The following ELMO1 variants were observed in gnomAD, a reference collection of about 807,000 sequenced individuals.
The protein encoded by ELMO1 is engulfment and cell motility 1, also known as engulfment and cell motility protein 1.
Under a neutral mutation model 98.9 loss-of-function variants are expected in ELMO1, and 26 were observed. The ratio of observed to expected loss-of-function variants is 0.26; its 90% CI spans 0.19 to 0.36. The LOEUF (loss-of-function observed/expected upper bound fraction) is 0.36. Among genes scored for constraint, ELMO1 ranks in the 10% least tolerant of loss-of-function variants. The pLI, the probability that ELMO1 is intolerant of heterozygous loss-of-function variation, is 1.00. For missense variants in ELMO1, 627 were observed against 935.2 expected (o/e 0.67, Z 4.30); for synonymous variants, 346 against 346.0 (o/e 1.00, Z 0.00).
intron 13 of ELMO1, among the ~76,000 whole-genome samples, chr7:37,183,438 A>T (rs746004701): frequency 1.3e-5 from 2 of 152,228 alleles, no homozygotes; most frequent in Non-Finnish European, 2.9e-5. Context: ...GGGGGAGAAG[A>T]GGAGGGAACC....
chr7:37,074,789 G>A (rs1797473761), intron 15 of ELMO1, among the ~76,000 whole-genome samples: 1 of 152,194 alleles, frequency 6.6e-6, no homozygotes, highest in Non-Finnish European at 1.5e-5. Context: ...GCTTGTTTAG[G>A]GAGTTGCAAA....
chr7:36,871,220 T>C (rs970558509), intron 19 of ELMO1, among the ~76,000 whole-genome samples: 2 of 152,194 alleles, frequency 1.3e-5, no homozygotes, highest in African/African-American at 4.8e-5. Context: ...GTTTGTGCAC[T>C]TAAAACTTTT....
At chr7:37,020,586 A>C (rs1029260000) in intron 15 of ELMO1, among the ~76,000 whole-genome samples, 1 of 152,238 alleles carries the variant, frequency 6.6e-6, no homozygotes, top group Non-Finnish European at 1.5e-5. Context: ...TCGCTCTCAC[A>C]GGAATTTTCT....
intron 15 of ELMO1, among the ~76,000 whole-genome samples, chr7:37,064,165 C>T (rs1796823900): frequency 6.6e-6 from 1 of 152,142 alleles, no homozygotes; most frequent in South Asian, 2.1e-4. Context: ...TTGACACTGC[C>T]TGGGCATTTT....
chr7:37,145,617 G>A (rs1001096929), intron 13 of ELMO1, among the ~76,000 whole-genome samples: 6 of 152,178 alleles, frequency 3.9e-5, no homozygotes, highest in Non-Finnish European at 8.8e-5. Context: ...TAAATGATAC[G>A]TGTTTTTCAA....
In ELMO1 at chr7:36,897,349, T is replaced by TGTGTGTGTGTGTGTGA. The variant is rs1370708472; in HGVS notation, c.1438-2333_1438-2332insTCACACACACACACAC. ...ACGTGTGTGTGTGTGTGTGTGTGTG[T>TGTGTGTGTGTGTGTGA]GAAAGAGTGTTAATGGTTAAGCCTT... On this transcript the variant is annotated intron_variant, in intron 16 of 21. Transcript: ENST00000310758. Among the ~76,000 whole-genome samples, 841 of 151,732 alleles carry TGTGTGTGTGTGTGTGA rather than the reference T, an allele frequency of 5.5e-3. 21 individuals are homozygous for TGTGTGTGTGTGTGTGA. The East Asian group carries it at 0.076, about 14-fold the overall frequency.
At chr7:36,856,876 CA>C in intron 21 of ELMO1, among the ~76,000 whole-genome samples, 1 of 152,340 alleles carries the variant, frequency 6.6e-6, no homozygotes, top group Middle Eastern at 3.4e-3. Flanking sequence ...TCCAGATTCC[CA>C]ACTTTTCTGC....
chr7:37,080,035 T>C (rs1347287059), intron 15 of ELMO1, among the ~76,000 whole-genome samples: 4 of 152,204 alleles, frequency 2.6e-5, no homozygotes, highest in African/African-American at 9.6e-5. Flanking sequence ...ACTCCTAATC[T>C]TCTATGCCCC....
At chr7:37,253,598 G>C (rs1206921241) in intron 6 of ELMO1, among the ~76,000 whole-genome samples, 2 of 151,950 alleles carry the variant, frequency 1.3e-5, no homozygotes, top group African/African-American at 2.4e-5. Context: ...GCTAGGGTAG[G>C]GATAACATTA....
intron 18 of ELMO1, among the ~76,000 whole-genome samples, chr7:36,886,817 G>C (rs1805048376): frequency 6.6e-6 from 1 of 152,208 alleles, no homozygotes; most frequent in Admixed American, 6.5e-5. Context: ...ACATTTTGAG[G>C]TTAGAATTTA....
At chr7:36,974,407 T>C (rs1790313240) in intron 16 of ELMO1, among the ~76,000 whole-genome samples, 1 of 151,592 alleles carries the variant, frequency 6.6e-6, no homozygotes, top group African/African-American at 2.4e-5. Flanking sequence ...TAGCTCAAGG[T>C]TTGTAAGCAC....
chr7:37,003,842 C>A (rs908995301), intron 16 of ELMO1, among the ~76,000 whole-genome samples: 3 of 152,088 alleles, frequency 2.0e-5, no homozygotes, highest in Admixed American at 1.3e-4. Context: ...AGCTTCTGAT[C>A]CCACTCTCTC....
At position 37,375,602 on chromosome 7, in the gene ELMO1, C is replaced by T. The variant is rs1802305190; in HGVS notation, c.-73-32839G>A. On this transcript the variant is annotated intron_variant, in intron 1 of 21. Transcript: ENST00000310758. ...GAGTCATGGTGGCCAAGAAGGATGT[C>T]CCCCATGCCTAAGCACCAGGAGCTG... 6 of 1,125,596 alleles carry T rather than the reference C, an allele frequency of 5.3e-6. No homozygotes were observed. The Admixed American group carries it at 1.0e-4, about 19-fold the overall frequency. 69.7% of individuals were successfully genotyped at this position (1,125,596 alleles called of 1,614,324 possible). A position where few individuals can be genotyped will look rare whatever the true frequency, so the allele number is the denominator to read the frequency against.
intron 13 of ELMO1, among the ~76,000 whole-genome samples, chr7:37,203,603 A>C (rs1715391833): frequency 6.6e-6 from 1 of 152,302 alleles, no homozygotes; most frequent in South Asian, 2.1e-4. Context: ...TGGAGTTTAT[A>C]CTAGAAATAA....
chr7:36,952,894 G>A (rs1788090023), intron 16 of ELMO1, among the ~76,000 whole-genome samples: 1 of 151,750 alleles, frequency 6.6e-6, no homozygotes, highest in Admixed American at 6.6e-5. Flanking sequence ...GTGACCCACT[G>A]GAGAGTGAAA....
chr7:36,969,419 T>A (rs1297846741), intron 16 of ELMO1, among the ~76,000 whole-genome samples: 1 of 152,252 alleles, frequency 6.6e-6, no homozygotes, highest in African/African-American at 2.4e-5. Context: ...TAATGATATG[T>A]GGTGAATTCA....
intron 16 of ELMO1, among the ~76,000 whole-genome samples, chr7:36,965,887 T>C (rs536889597): frequency 3.3e-5 from 5 of 152,314 alleles, no homozygotes; most frequent in African/African-American, 1.2e-4. Context: ...AGGATATATA[T>C]GTTGGATATA....
intron 14 of ELMO1, among the ~76,000 whole-genome samples, chr7:37,125,461 A>C (rs1786438085): frequency 6.6e-6 from 1 of 152,328 alleles, no homozygotes; most frequent in East Asian, 1.9e-4. Context: ...ACAACCCCAT[A>C]AACAAGTGGG....
chr7:37,403,844 C>T (rs1486358144), intron 1 of ELMO1, among the ~76,000 whole-genome samples: 1 of 152,178 alleles, frequency 6.6e-6, no homozygotes, highest in Non-Finnish European at 1.5e-5. Context: ...CCATGCCCAG[C>T]CCATTATGCA....
Sources: allele counts gnomAD v4.1 joint callset (sites outside exome capture counted in the v4.1 genomes callset), GRCh38; gene constraint gnomAD v4.1.1; transcripts MANE v1.5; gene names NCBI Gene and HGNC (gene_info 2026-07-23, HGNC 2026-07-21).